GALNT15: variants seen among roughly 807,000 people sequenced by gnomAD.
The protein encoded by GALNT15 is UDP-GalNAc transferase T15.
Under a neutral mutation model 66.8 loss-of-function variants are expected in GALNT15, and 67 were observed. The observed-to-expected ratio is 1.00, with a 90% CI of 0.82 to 1.23. GALNT15 has a LOEUF of 1.23. Ranked by LOEUF, GALNT15 falls within the 50% of genes most tolerant of loss-of-function variation. The pLI, the probability that GALNT15 is intolerant of heterozygous loss-of-function variation, is 0.00. For missense variants in GALNT15, 827 were observed against 804.3 expected (o/e 1.03, Z -0.34); for synonymous variants, 313 against 311.5 (o/e 1.00, Z -0.05).
chr3:16,212,886 T>C, intron 6 of GALNT15, 123 bp downstream of exon 6: 2 of 805,808 alleles, frequency 2.5e-6, no homozygotes, highest in Non-Finnish European at 3.9e-6. Context: ...TGAGCTTCCC[T>C]CATGCTGCCC....
In GALNT15 at chr3:16,175,751, T is replaced by C. The variant is rs2063402567; in HGVS notation, c.539+61T>C. On this transcript the variant is annotated intron_variant, in intron 1 of 9. Transcript: ENST00000339732. This position sits in a 1 kb window ranked among gnomAD's most constrained non-coding sequence, Gnocchi z 5.6. The stretch of plus-strand genomic sequence containing the variant: ...AGGGCATGATCGGGTGGTAGCAAAC[T>C]CGGGAATGCAAACTTTCCGTAGCCT... 1.5e-5 allele frequency: 22 copies of C among 1,451,442 alleles called. No homozygotes were observed. The highest frequency in any genetic ancestry group is 7.0e-5 in the Admixed American group (3 of 42,974). 89.9% of individuals were successfully genotyped at this position (1,451,442 alleles called of 1,614,324 possible). A position where few individuals can be genotyped will look rare whatever the true frequency, so the allele number is the denominator to read the frequency against.
At position 16,224,503 on chromosome 3, in the gene GALNT15, G is replaced by A. The variant is rs2063983678; in HGVS notation, c.1773+1745G>A. On this transcript the variant is annotated intron_variant, in intron 9 of 9. Transcript: ENST00000339732. This position sits in a 1 kb window ranked among gnomAD's most constrained non-coding sequence, Gnocchi z 5.2. Reference sequence around the variant, plus strand: ...AGTAAAATAGTGGTTACCAGAGGCAGGCAGAGGAGGAGAAAAAGGGAATTT... The same window carrying A: ...AGTAAAATAGTGGTTACCAGAGGCAAGCAGAGGAGGAGAAAAAGGGAATTT... 6.6e-6 allele frequency among the ~76,000 whole-genome samples: 1 copy of A among 152,102 alleles called. No homozygotes were observed. The highest frequency in any genetic ancestry group is 1.5e-5 in the Non-Finnish European group (1 of 68,038).
intron 6 of GALNT15, among the ~76,000 whole-genome samples, chr3:16,216,862 A>G (rs1371505140): frequency 6.6e-6 from 1 of 152,008 alleles, no homozygotes; most frequent in East Asian, 1.9e-4. Context: ...CACTTGCCCA[A>G]CTCCTGAGAT....
chr3:16,219,626 A>G lies in GALNT15; in HGVS notation c.1524+92A>G. ...AGCTCTTCCATGTCCCTGGTCAACC[A>G]TTCACGGTTTAGCAGGGCCTCAGAG... On this transcript the variant is annotated intron_variant, in intron 7 of 9. Coordinates refer to ENST00000339732, the MANE Select transcript of GALNT15 (RefSeq NM_054110.5). The surrounding 1 kb of genome is among the most constrained non-coding windows in gnomAD (Gnocchi z 4.3). 1 of 1,531,454 alleles carries G rather than the reference A, an allele frequency of 6.5e-7. No individual in the cohort carries two copies. Among genetic ancestry groups the G allele is most frequent in the South Asian group, 1.2e-5 (1 of 81,482 alleles). 94.9% of individuals were successfully genotyped at this position (1,531,454 alleles called of 1,614,324 possible). A position where few individuals can be genotyped will look rare whatever the true frequency, so the allele number is the denominator to read the frequency against.
chr3:16,200,821 C>T lies in GALNT15; in HGVS notation c.909C>T (p.Asp303=), dbSNP rs1303488045. The T allele has an allele frequency of 1.2e-6, 2 of 1,601,278 alleles. No individual in the cohort carries two copies. Among genetic ancestry groups the T allele is most frequent in the South Asian group, 2.2e-5 (2 of 88,944 alleles). The change falls in exon 3 of 10, where the codon GAC becomes GAT. Residue 303 remains aspartate, a splice_region_variant and synonymous_variant. Coordinates refer to ENST00000339732, the MANE Select transcript of GALNT15 (RefSeq NM_054110.5). This position sits in a 1 kb window ranked among gnomAD's most constrained non-coding sequence, Gnocchi z 4.4. ...LEPLLSRIAG[D]RSRVVSPVID... ...CCCTCCTCAGCAGAATAGCTGGTGA[C>T]AGGTAACTTATTCCCTGGGCTTGCA...
At position 16,228,046 on chromosome 3, in the gene GALNT15, A is replaced by G; in HGVS notation, c.*546A>G. 5 of 987,174 alleles carry G rather than the reference A, an allele frequency of 5.1e-6. No homozygotes were observed. In the South Asian group the frequency reaches 1.9e-4, roughly 37 times the overall value. 61.2% of individuals were successfully genotyped at this position (987,174 alleles called of 1,614,324 possible). ...AGAAGGAAAGGGAGCTACAGAAAGG[A>G]GGTTTAGGATTGCAGAGAAGATGCA... On this transcript the variant is annotated 3_prime_UTR_variant, in exon 10 of 10. Coordinates refer to ENST00000339732, the MANE Select transcript of GALNT15 (RefSeq NM_054110.5).
At chr3:16,218,899 C>T (rs1329210939) in intron 6 of GALNT15, among the ~76,000 whole-genome samples, 1 of 147,730 alleles carries the variant, frequency 6.8e-6, no homozygotes, top group African/African-American at 2.5e-5. Context: ...ACTGTAGCCT[C>T]TGCCTCCTGG....
rs2063394846 is a variant in GALNT15, at chr3:16,175,430, T to C, written c.279T>C (p.Asp93=). 6.2e-7 allele frequency: 1 copy of C among 1,614,108 alleles called. No homozygotes were observed. The highest frequency in any genetic ancestry group is 2.2e-5 in the East Asian group (1 of 44,872). The part of the protein sequence containing the change: ...GLPPFISLRE[D]QLLVAVALPQ... ...CACCCTTTATCTCACTGCGGGAGGA[T>C]CAGCTGCTGGTGGCCGTGGCCTTAC... The change falls in exon 1 of 10, where the codon GAT becomes GAC. Residue 93 remains aspartate (D), a synonymous_variant. Coordinates refer to ENST00000339732, the MANE Select transcript of GALNT15 (RefSeq NM_054110.5). The surrounding 1 kb of genome is among the most constrained non-coding windows in gnomAD (Gnocchi z 5.6).
At chr3:16,233,089 T>C (rs1243689209), downstream of GALNT15, among the ~76,000 whole-genome samples, 2 of 125,964 alleles carry the variant, frequency 1.6e-5, no homozygotes, top group Non-Finnish European at 1.7e-5. Context: ...TACAGGATAA[T>C]GCATCTTTTT....
At chr3:16,216,087 A>C (rs1434485849) in intron 6 of GALNT15, among the ~76,000 whole-genome samples, 1 of 152,152 alleles carries the variant, frequency 6.6e-6, no homozygotes, top group Non-Finnish European at 1.5e-5. Flanking sequence ...TATTGGTGGA[A>C]TGGAATGGAT....
At chr3:16,239,675 T>C in the GALNT15 span, among the ~76,000 whole-genome samples, 3,834 of 152,280 alleles carry the variant, frequency 0.025, 65 homozygotes, top group Non-Finnish European at 0.036. This position sits in a 1 kb window ranked among gnomAD's most constrained non-coding sequence, Gnocchi z 5.2. Flanking sequence ...CCAATAAAAT[T>C]TGTGGCCCAG....
rs757402051 is a variant in GALNT15, at chr3:16,196,431, G to T, written c.706+505G>T. Among the ~76,000 whole-genome samples the T allele has an allele frequency of 5.3e-5, 8 of 152,116 alleles. No individual in the cohort carries two copies. The East Asian group carries it at 1.5e-3, about 29-fold the overall frequency. On this transcript the variant is annotated intron_variant, in intron 2 of 9. Coordinates refer to ENST00000339732, the MANE Select transcript of GALNT15 (RefSeq NM_054110.5). ...CCCAGAGAAGACAGCAGACTGGAGC[G>T]GAGTCAGCCAAAAGCAGCAGAGTCA...
Position 16,228,856 on chromosome 3 carries a change from C to G in GALNT15, c.*1356C>G, listed in dbSNP as rs1236315491. Reference sequence around the variant, plus strand: ...CTGAGCCCATATAACTGTCTGGAACCCCCAAATGTGTCCACAGGTTGAATG... The same window carrying G: ...CTGAGCCCATATAACTGTCTGGAACGCCCAAATGTGTCCACAGGTTGAATG... On this transcript the variant is annotated 3_prime_UTR_variant, in exon 10 of 10. Transcript: ENST00000339732. 6.2e-5 allele frequency: 61 copies of G among 985,208 alleles called. No homozygotes were observed. The highest frequency in any genetic ancestry group is 7.3e-5 in the Non-Finnish European group (61 of 829,934). 61.0% of individuals were successfully genotyped at this position (985,208 alleles called of 1,614,324 possible). A position where few individuals can be genotyped will look rare whatever the true frequency, so the allele number is the denominator to read the frequency against.
chr3:16,244,511 A>G, the GALNT15 span, among the ~76,000 whole-genome samples: 1 of 152,234 alleles, frequency 6.6e-6, no homozygotes, highest in African/African-American at 2.4e-5. Flanking sequence ...CCCAGGCTGG[A>G]GGATGGGCCA....
intron 6 of GALNT15, among the ~76,000 whole-genome samples, chr3:16,214,542 T>C (rs2063852466): frequency 1.3e-5 from 2 of 152,194 alleles, no homozygotes; most frequent in South Asian, 4.1e-4. Flanking sequence ...GTTATTGTCA[T>C]GGCTACTAAT....
Position 16,175,870 on chromosome 3 carries a change from C to G in GALNT15, c.539+180C>G, listed in dbSNP as rs1340563184. On this transcript the variant is annotated intron_variant, in intron 1 of 9. Coordinates refer to ENST00000339732, the MANE Select transcript of GALNT15 (RefSeq NM_054110.5). The surrounding 1 kb of genome is among the most constrained non-coding windows in gnomAD (Gnocchi z 5.6). ...GGGCACTGGTGGGTTCTCAGAAATG[C>G]AGATTCTCAGACCCCATCCCAGACC... Among the ~76,000 whole-genome samples the G allele has an allele frequency of 5.3e-5, 8 of 152,222 alleles. No individual in the cohort carries two copies. The highest frequency in any genetic ancestry group is 5.2e-4 in the Admixed American group (8 of 15,288).
downstream of GALNT15, among the ~76,000 whole-genome samples, chr3:16,232,979 G>C (rs990372421): frequency 6.6e-6 from 1 of 151,656 alleles, no homozygotes; most frequent in Non-Finnish European, 1.5e-5. Context: ...TTGTTACTTA[G>C]AGCTCAGAAA....
intron 1 of GALNT15, among the ~76,000 whole-genome samples, chr3:16,178,710 A>T (rs191754524): frequency 6.4e-4 from 97 of 152,200 alleles, no homozygotes; most frequent in Non-Finnish European, 1.3e-3. Flanking sequence ...TTCGGCTCCT[A>T]CCCCTTTAAA....
downstream of GALNT15, among the ~76,000 whole-genome samples, chr3:16,234,508 A>G (rs2064114313): frequency 6.6e-6 from 1 of 152,178 alleles, no homozygotes; most frequent in Non-Finnish European, 1.5e-5. Flanking sequence ...GTTCTACACC[A>G]TTCCCCACAG....
Sources: allele counts gnomAD v4.1 joint callset (sites outside exome capture counted in the v4.1 genomes callset), GRCh38; gene constraint gnomAD v4.1.1; non-coding constraint Gnocchi (gnomAD v3.1); transcripts MANE v1.5; gene names NCBI Gene and HGNC (gene_info 2026-07-23, HGNC 2026-07-21).